Variants in RPAP3 observed in about 807,000 individuals in gnomAD.
RPAP3 encodes the protein RNA polymerase II associated protein 3.
Under a neutral mutation model 88.8 loss-of-function variants are expected in RPAP3, and 58 were observed. The observed-to-expected ratio is 0.65, with a 90% confidence interval of 0.53 to 0.81. The LOEUF (loss-of-function observed/expected upper bound fraction) is 0.81, where lower values mean the gene tolerates loss of function less well. RPAP3 is among the 40% of genes least tolerant of loss of function. The pLI, the probability that RPAP3 is intolerant of heterozygous loss-of-function variation, is 0.00. For synonymous variants in RPAP3, 255 were observed against 259.9 expected (o/e 0.98, Z 0.18); for missense variants, 751 against 764.3 (o/e 0.98, Z 0.20).
intron 5 of RPAP3, among the ~76,000 whole-genome samples, chr12:47,691,054 C>T (rs1031056745): frequency 2.0e-5 from 3 of 151,958 alleles, no homozygotes; most frequent in Non-Finnish European, 2.9e-5. Context: ...TGCTGTTGGA[C>T]GATCTTGCCT....
chr12:47,696,878 A>T (rs1939541985), intron 4 of RPAP3, among the ~76,000 whole-genome samples: 1 of 152,214 alleles, frequency 6.6e-6, no homozygotes, highest in African/African-American at 2.4e-5. Context: ...GTTTTTGGGG[A>T]GTCAAAAGTT....
chr12:47,701,344 T>C (rs745887984), intron 3 of RPAP3, 120 bp downstream of exon 3: 11 of 612,446 alleles, frequency 1.8e-5, no homozygotes, highest in Non-Finnish European at 2.6e-5. Context: ...CATAAAATCA[T>C]GAATAAGAGA....
At chr12:47,686,545 T>TATACACAC (rs71907965) in intron 9 of RPAP3, among the ~76,000 whole-genome samples, 1 of 145,352 alleles carries the variant, frequency 6.9e-6, no homozygotes, top group East Asian at 2.1e-4. Flanking sequence ...CACATACACA[T>TATACACAC]ACACACACAC....
rs776285205 is a variant in RPAP3, at chr12:47,686,764, T to C, written c.992+16A>G. 2.7e-6 allele frequency: 4 copies of C among 1,506,898 alleles called. No individual in the cohort carries two copies. Among genetic ancestry groups the C allele is most frequent in the Non-Finnish European group, 3.5e-6 (4 of 1,127,072 alleles). The allele number at this position is 1,506,898 out of a possible 1,614,324, so 93.3% of individuals were successfully genotyped here. On this transcript the variant is annotated intron_variant, in intron 9 of 16. Transcript: ENST00000005386. ...ATTTTTATCCTGAACAGCACTAAAA[T>C]GTAACCAATACTTACTTCTGAATCT...
At chr12:47,687,554 A>C (rs532675954) in intron 8 of RPAP3, among the ~76,000 whole-genome samples, 12 of 152,352 alleles carry the variant, frequency 7.9e-5, no homozygotes, top group African/African-American at 2.9e-4. Context: ...GTGTGAATTA[A>C]TGAAAAAAGT....
At chr12:47,695,742 AG>A (rs1592485273) in intron 5 of RPAP3, among the ~76,000 whole-genome samples, 1 of 152,342 alleles carries the variant, frequency 6.6e-6, no homozygotes, top group East Asian at 1.9e-4. Flanking sequence ...TAATTAAAAC[AG>A]TAAGAATGTC....
At chr12:47,691,441 T>C (rs1389728114) in intron 5 of RPAP3, among the ~76,000 whole-genome samples, 4 of 152,232 alleles carry the variant, frequency 2.6e-5, no homozygotes, top group Non-Finnish European at 4.4e-5. Context: ...TTAACACTGA[T>C]ATTTTGACCT....
At chr12:47,689,328 C>CT (rs1939385012) in intron 6 of RPAP3, 133 bp from the exon 7 acceptor site, 1 of 512,470 alleles carries the variant, frequency 2.0e-6, no homozygotes, top group Non-Finnish European at 3.4e-6. Flanking sequence ...CAAAGAAATA[C>CT]TATCATTAGG....
At position 47,679,686 on chromosome 12, in the gene RPAP3, G is replaced by A; in HGVS notation, c.1185+18C>T. 2 of 1,574,808 alleles carry A rather than the reference G, an allele frequency of 1.3e-6. No individual in the cohort carries two copies. The highest frequency in any genetic ancestry group is 1.7e-6 in the Non-Finnish European group (2 of 1,151,046). ...TTTCAGAAAATATGACCATGTTTGG[G>A]TGAAAAGAATACATTACCTTTTTAA... On this transcript the variant is annotated intron_variant, in intron 11 of 16. Transcript: ENST00000005386.
chr12:47,694,152 T>C (rs1485006016), intron 5 of RPAP3, among the ~76,000 whole-genome samples: 1 of 152,186 alleles, frequency 6.6e-6, no homozygotes, highest in Non-Finnish European at 1.5e-5. Flanking sequence ...GGTAGGAGAA[T>C]ATGCAGTACA....
Position 47,663,295 on chromosome 12 carries a change from A to G in RPAP3, c.*210T>C. 2 of 409,490 alleles carry G rather than the reference A, an allele frequency of 4.9e-6. No individual in the cohort carries two copies. Among genetic ancestry groups the G allele is most frequent in the South Asian group, 9.2e-5 (2 of 21,832 alleles). 25.4% of individuals were successfully genotyped at this position (409,490 alleles called of 1,614,324 possible). A position where few individuals can be genotyped will look rare whatever the true frequency, so the allele number is the denominator to read the frequency against. ...ATGCTGATCCTTACAAATGTATCTCATTGTTTATATTTTTATTTTCAGAAA... is the reference window on the plus strand; with the variant it reads ...ATGCTGATCCTTACAAATGTATCTCGTTGTTTATATTTTTATTTTCAGAAA... On this transcript the variant is annotated 3_prime_UTR_variant, in exon 17 of 17. Coordinates refer to ENST00000005386, the MANE Select transcript of RPAP3 (RefSeq NM_024604.3).
At chr12:47,682,582 T>C (rs1939244006) in intron 9 of RPAP3, among the ~76,000 whole-genome samples, 2 of 151,674 alleles carry the variant, frequency 1.3e-5, no homozygotes. Context: ...CTGAAACAAA[T>C]ATGACCAAAA....
intron 3 of RPAP3, among the ~76,000 whole-genome samples, chr12:47,698,113 A>AAAAACTGCTATTTT (rs1266333201): frequency 1.3e-5 from 2 of 152,258 alleles, no homozygotes; most frequent in African/African-American, 4.8e-5. Flanking sequence ...TTTTAAAACA[A>AAAAACTGCTATTTT]AAAACTGCTA....
chr12:47,662,147 A>T lies in RPAP3; in HGVS notation c.*1358T>A, dbSNP rs921159334. ...AAGGGCCTGCCCTCTTGACCCAATC[A>T]CTTCCCAAAGGCCCCACCTCCGAAG... is the stretch of plus-strand genomic sequence containing the variant. On this transcript the variant is annotated 3_prime_UTR_variant, in exon 17 of 17. Coordinates refer to ENST00000005386, the MANE Select transcript of RPAP3 (RefSeq NM_024604.3). 1 of 152,138 alleles carries T rather than the reference A, an allele frequency of 6.6e-6. No homozygotes were observed. The highest frequency in any genetic ancestry group is 1.5e-5 in the Non-Finnish European group (1 of 68,052). 9.4% of individuals were successfully genotyped at this position (152,138 alleles called of 1,614,324 possible). A position where few individuals can be genotyped will look rare whatever the true frequency, so the allele number is the denominator to read the frequency against.
In RPAP3 at chr12:47,701,509, G is replaced by A. The variant is rs1939652383; in HGVS notation, c.249C>T (p.Asn83=). 2 of 1,597,540 alleles carry A rather than the reference G, an allele frequency of 1.3e-6. No homozygotes were observed. The highest frequency in any genetic ancestry group is 2.3e-5 in the South Asian group (2 of 87,778). Reference sequence around the variant, plus strand: ...CCTCATAATCATAAGATTTTATCCTGTTTTTTGTGTTTTCCTCTCTGGTTT... The same window carrying A: ...CCTCATAATCATAAGATTTTATCCTATTTTTTGTGTTTTCCTCTCTGGTTT... ...SKKTREENTK[N]RIKSYDYEAW... Residue 83 remains asparagine (N), a synonymous_variant, in exon 3 of 17, where the codon AAC becomes AAT. Transcript: ENST00000005386.
At chr12:47,692,104 T>C (rs577847452) in intron 5 of RPAP3, among the ~76,000 whole-genome samples, 6 of 152,192 alleles carry the variant, frequency 3.9e-5, no homozygotes, top group Non-Finnish European at 7.3e-5. Flanking sequence ...TTGTTTTACT[T>C]ATAGAGCACA....
At chr12:47,681,653 C>G in intron 10 of RPAP3, 43 bp downstream of exon 10, 1 of 1,590,966 alleles carries the variant, frequency 6.3e-7, no homozygotes, top group Non-Finnish European at 8.5e-7. Flanking sequence ...TTAACTTGGG[C>G]ACTCATCAGG....
chr12:47,702,429 C>T (rs1360539457), intron 2 of RPAP3, among the ~76,000 whole-genome samples: 1 of 151,876 alleles, frequency 6.6e-6, no homozygotes, highest in Non-Finnish European at 1.5e-5. Flanking sequence ...TGGTGCACGC[C>T]TGTAGTCCCA....
At chr12:47,671,257 CAAGTT>C (rs762231251) in intron 12 of RPAP3, among the ~76,000 whole-genome samples, 20 of 151,980 alleles carry the variant, frequency 1.3e-4, no homozygotes, top group Non-Finnish European at 2.4e-4. Flanking sequence ...AAAAATGAAA[CAAGTT>C]AAGAAAAGCT....
Sources: allele counts gnomAD v4.1 joint callset (sites outside exome capture counted in the v4.1 genomes callset), GRCh38; gene constraint gnomAD v4.1.1; transcripts MANE v1.5; gene names NCBI Gene and HGNC (gene_info 2026-07-23, HGNC 2026-07-21).